TBC1D10A: variants seen among roughly 807,000 people sequenced by gnomAD.
The protein encoded by TBC1D10A is EBP50-PDX interactor of 64 kDa.
In TBC1D10A, 24 loss-of-function variants were observed where a neutral mutation model predicts 52.9. That is an observed-to-expected ratio of 0.45 (90% CI 0.33 to 0.64). The LOEUF (loss-of-function observed/expected upper bound fraction) is 0.64. Among genes scored for constraint, TBC1D10A ranks in the 30% least tolerant of loss-of-function variants. TBC1D10A has a pLI of 0.02. For synonymous variants in TBC1D10A, 278 were observed against 282.9 expected (o/e 0.98, Z 0.17); for missense variants, 602 against 687.9 (o/e 0.88, Z 1.40).
chr22:30,304,770 A>G, intron 1 of TBC1D10A, 140 bp from the exon 2 acceptor site: 4 of 1,418,318 alleles, frequency 2.8e-6, no homozygotes, highest in Non-Finnish European at 3.7e-6. Flanking sequence ...GCTACCTCGG[A>G]CCATCCTATT....
At chr22:30,313,922 G>A (rs571162275) in intron 1 of TBC1D10A, among the ~76,000 whole-genome samples, 80 of 152,216 alleles carry the variant, frequency 5.3e-4, no homozygotes, top group African/African-American at 1.7e-3. Flanking sequence ...TCTGCTTGAT[G>A]ATGGCATTTT....
intron 1 of TBC1D10A, among the ~76,000 whole-genome samples, chr22:30,321,980 CTTTTT>C (rs869153008): frequency 2.9e-5 from 4 of 139,274 alleles, no homozygotes; most frequent in African/African-American, 7.9e-5. Flanking sequence ...GGTCCTGGGC[CTTTTT>C]TTTTTTTTTT....
chr22:30,315,784 G>C (rs1470903444), intron 1 of TBC1D10A, among the ~76,000 whole-genome samples: 2 of 152,206 alleles, frequency 1.3e-5, no homozygotes, highest in Non-Finnish European at 2.9e-5. Context: ...GCTGTGTGTG[G>C]AGTCCTGGGA....
In TBC1D10A at chr22:30,295,769, G is replaced by C. The variant is rs1336948195; in HGVS notation, c.492C>G (p.Phe164Leu). The change falls in exon 4 of 9, where the codon TTC (phenylalanine) becomes TTG (leucine). Residue 164 changes from phenylalanine to leucine, a missense_variant. By Grantham distance (22) the Phe-to-Leu change is conservative (BLOSUM62 0). Coordinates refer to ENST00000215790, the MANE Select transcript of TBC1D10A (RefSeq NM_031937.3). ...IERDLHRQFP[F>L]HEMFVSRGGH... ...CCCCCCGGGACACAAACATCTCATGGAATGGGAACTGCCGGTGCAGGTCAC... is the reference window on the plus strand; with the variant it reads ...CCCCCCGGGACACAAACATCTCATGCAATGGGAACTGCCGGTGCAGGTCAC... 2 of 1,613,926 alleles carry C rather than the reference G, an allele frequency of 1.2e-6. No homozygotes were observed. The highest frequency in any genetic ancestry group is 2.7e-5 in the African/African-American group (2 of 74,938).
chr22:30,304,119 A>C (rs975054623), intron 2 of TBC1D10A, among the ~76,000 whole-genome samples: 1 of 152,214 alleles, frequency 6.6e-6, no homozygotes, highest in Non-Finnish European at 1.5e-5. Context: ...CTAACCTCAC[A>C]CTAGGGTGCT....
chr22:30,307,062 T>C (rs964887700), intron 1 of TBC1D10A, among the ~76,000 whole-genome samples: 1 of 152,124 alleles, frequency 6.6e-6, no homozygotes, highest in Non-Finnish European at 1.5e-5. Flanking sequence ...GTCTATCTTA[T>C]GAATTTGACC....
At chr22:30,293,108 T>C in intron 8 of TBC1D10A, 1 of 619,896 alleles carries the variant, frequency 1.6e-6, no homozygotes, top group Non-Finnish European at 2.9e-6. Context: ...TGCCTGACTA[T>C]GGGGCTAAAG....
intron 8 of TBC1D10A, 84 bp from the exon 9 acceptor site, chr22:30,292,935 C>T: frequency 6.8e-7 from 1 of 1,472,956 alleles, no homozygotes; most frequent in Non-Finnish European, 9.3e-7. Context: ...CCCAGTCTTC[C>T]TCAGCATCCC....
At chr22:30,321,686 G>C (rs537740024) in intron 1 of TBC1D10A, among the ~76,000 whole-genome samples, 29 of 152,326 alleles carry the variant, frequency 1.9e-4, no homozygotes, top group African/African-American at 6.7e-4. Flanking sequence ...TTGGCCTGCA[G>C]ACTGGGCGGA....
At chr22:30,313,996 G>T (rs1302603361) in intron 1 of TBC1D10A, among the ~76,000 whole-genome samples, 1 of 152,086 alleles carries the variant, frequency 6.6e-6, no homozygotes, top group Non-Finnish European at 1.5e-5. Context: ...ACAGACGCTT[G>T]CTATGCACCA....
At chr22:30,321,956 C>G (rs1381200350) in intron 1 of TBC1D10A, among the ~76,000 whole-genome samples, 2 of 150,840 alleles carry the variant, frequency 1.3e-5, no homozygotes, top group Non-Finnish European at 3.0e-5. Flanking sequence ...CTGAAAACAT[C>G]TTTTTCCTCA....
At chr22:30,303,020 C>G (rs946573274) in intron 2 of TBC1D10A, among the ~76,000 whole-genome samples, 6 of 152,352 alleles carry the variant, frequency 3.9e-5, no homozygotes, top group African/African-American at 1.4e-4. Flanking sequence ...GTGGCTCATG[C>G]CAGTAATTCC....
chr22:30,320,220 T>C (rs1327965524), intron 1 of TBC1D10A, among the ~76,000 whole-genome samples: 1 of 152,210 alleles, frequency 6.6e-6, no homozygotes, highest in African/African-American at 2.4e-5. Flanking sequence ...CTCTGGCCTA[T>C]GGGAGGACTA....
chr22:30,295,020 G>A lies in TBC1D10A; in HGVS notation c.560C>T (p.Thr187Met), dbSNP rs750421446. ...GTAGCCCTCCTCGGGCCGGTACAGC[G>A]TGTAGGCCTTCAGCACACGGAATAG... ...QDLFRVLKAY[T>M]LYRPEEGYCQ... The change falls in exon 5 of 9, where the codon ACG (threonine) becomes ATG (methionine). Residue 187 changes from threonine to methionine, a missense_variant. Thr to Met is a moderately conservative substitution (Grantham distance 81). Around this residue, in one of 3 missense-constraint regions of TBC1D10A, gnomAD observed 136 missense variants for 208.4 expected, o/e 0.65. Coordinates refer to ENST00000215790, the MANE Select transcript of TBC1D10A (RefSeq NM_031937.3). 3.3e-5 allele frequency: 54 copies of A among 1,613,920 alleles called. No individual in the cohort carries two copies. The highest frequency in any genetic ancestry group is 4.5e-5 in the Non-Finnish European group (53 of 1,180,032).
chr22:30,295,191 C>T, intron 4 of TBC1D10A, 136 bp from the exon 5 acceptor site: 4 of 821,360 alleles, frequency 4.9e-6, no homozygotes, highest in Non-Finnish European at 7.8e-6. Flanking sequence ...TTGTGGTCAC[C>T]AAGGGGTCAG....
chr22:30,294,259 A>C, intron 6 of TBC1D10A, 149 bp from the exon 7 acceptor site: 2 of 863,982 alleles, frequency 2.3e-6, no homozygotes, highest in Non-Finnish European at 3.5e-6. Flanking sequence ...CTAGGATACA[A>C]TGATGAGCAA....
At chr22:30,307,366 C>G (rs1230846705) in intron 1 of TBC1D10A, among the ~76,000 whole-genome samples, 1 of 152,194 alleles carries the variant, frequency 6.6e-6, no homozygotes, top group Non-Finnish European at 1.5e-5. Context: ...TCTTTTGGCT[C>G]AGCCACTGCT....
chr22:30,310,965 G>A (rs1241042651), intron 1 of TBC1D10A, among the ~76,000 whole-genome samples: 1 of 152,164 alleles, frequency 6.6e-6, no homozygotes, highest in Non-Finnish European at 1.5e-5. Context: ...TGGAGAGGAG[G>A]CAGTTGGAGG....
At chr22:30,309,393 T>G (rs1006008332) in intron 1 of TBC1D10A, among the ~76,000 whole-genome samples, 7 of 152,116 alleles carry the variant, frequency 4.6e-5, no homozygotes, top group African/African-American at 1.7e-4. Context: ...ACCCAGCTAA[T>G]TTTTGTATTT....
Sources: gnomAD v4.1 joint callset for allele counts (sites outside exome capture counted in the v4.1 genomes callset) on GRCh38, gnomAD v4.1.1 for gene constraint, gnomAD v4.1.1 regional missense constraint, MANE v1.5 for transcripts, NCBI Gene and HGNC (gene_info 2026-07-23, HGNC 2026-07-21) for gene names.